Variants in KIF13A observed in about 807,000 individuals in gnomAD.
KIF13A encodes the protein kinesin-like protein KIF13A.
In KIF13A, 79 loss-of-function variants were observed where a neutral mutation model predicts 212.2. That is an observed-to-expected ratio of 0.37 (90% CI 0.31 to 0.45). The LOEUF is 0.45. Ranked by LOEUF, KIF13A falls within the 20% of genes least tolerant of loss-of-function variation. KIF13A has a pLI of 1.00. For missense variants in KIF13A, 1,901 were observed against 2,209.0 expected (o/e 0.86, Z 2.79); for synonymous variants, 789 against 808.6 (o/e 0.98, Z 0.41).
chr6:17,820,751 GTCC>G (rs1256980782), intron 16 of KIF13A, among the ~76,000 whole-genome samples: 1 of 152,128 alleles, frequency 6.6e-6, no homozygotes, highest in Non-Finnish European at 1.5e-5. Context: ...GCACTTTCTC[GTCC>G]TCATTAGTTT....
intron 20 of KIF13A, among the ~76,000 whole-genome samples, chr6:17,801,298 C>A (rs1276149199): frequency 6.6e-6 from 1 of 151,704 alleles, no homozygotes. Context: ...TCAAGAGCAG[C>A]CTGGCCAACA....
intron 2 of KIF13A, among the ~76,000 whole-genome samples, chr6:17,970,625 T>G (rs1779737323): frequency 6.6e-6 from 1 of 152,212 alleles, no homozygotes; most frequent in East Asian, 1.9e-4. Context: ...TTAATCTTAA[T>G]GCAATATTTG....
chr6:17,818,472 ATAAAGT>A (rs1198886834), intron 16 of KIF13A, among the ~76,000 whole-genome samples: 13 of 152,362 alleles, frequency 8.5e-5, no homozygotes, highest in African/African-American at 3.1e-4. Flanking sequence ...GCTTCAAAAA[ATAAAGT>A]TAAATAATTC....
intron 4 of KIF13A, among the ~76,000 whole-genome samples, chr6:17,869,650 G>T (rs1014390679): frequency 1.1e-4 from 16 of 152,040 alleles, no homozygotes; most frequent in African/African-American, 3.6e-4. Context: ...CCCCACTAGA[G>T]AATTACGTGT....
chr6:17,823,917 C>CTTTTT (rs60400987), intron 16 of KIF13A, among the ~76,000 whole-genome samples: 3 of 138,010 alleles, frequency 2.2e-5, no homozygotes, highest in Non-Finnish European at 3.1e-5. Flanking sequence ...ATTTAAATTT[C>CTTTTT]TTTTTTTTTT....
intron 4 of KIF13A, among the ~76,000 whole-genome samples, chr6:17,868,551 G>GTT (rs550655003): frequency 6.3e-4 from 89 of 141,406 alleles, no homozygotes; most frequent in Non-Finnish European, 7.6e-4. Flanking sequence ...GGTTATTTCT[G>GTT]TTTTTTTTTT....
At chr6:17,864,871 G>A (rs141311164) in intron 4 of KIF13A, among the ~76,000 whole-genome samples, 6 of 152,270 alleles carry the variant, frequency 3.9e-5, no homozygotes, top group African/African-American at 1.4e-4. Context: ...AGCAGCAATA[G>A]GCTCAAAGCC....
At chr6:17,866,576 T>A (rs1029577931) in intron 4 of KIF13A, among the ~76,000 whole-genome samples, 2 of 152,124 alleles carry the variant, frequency 1.3e-5, no homozygotes, top group Admixed American at 1.3e-4. Context: ...AGTTTCTACC[T>A]GACTGGGTGC....
chr6:17,930,496 C>T (rs79075690), intron 2 of KIF13A, among the ~76,000 whole-genome samples: 9,888 of 152,254 alleles, frequency 0.065, 368 homozygotes, highest in Middle Eastern at 0.092. Flanking sequence ...CTTACGTTAT[C>T]AGGAAAAACA....
In KIF13A at chr6:17,919,175, C is replaced by T. The variant is rs74828496; in HGVS notation, c.147-20995G>A. Among the ~76,000 whole-genome samples, 16 of 152,274 alleles carry T rather than the reference C, an allele frequency of 1.1e-4. No homozygotes were observed. In the East Asian group the frequency reaches 2.9e-3, roughly 28 times the overall value. On this transcript the variant is annotated intron_variant, in intron 2 of 38. Coordinates refer to ENST00000259711, the MANE Select transcript of KIF13A (RefSeq NM_022113.6). The surrounding 1 kb of genome is among the most constrained non-coding windows in gnomAD (Gnocchi z 4.1). ...ACATACATATAGTGCTGTGTTTTTA[C>T]AAATGCTTTAATAGTGAAAATTGCA...
Position 17,794,052 on chromosome 6 carries a change from G to A in KIF13A, c.3222+197C>T, listed in dbSNP as rs927082823. ...ACTACTATAGCATTAGGATGCGTGT[G>A]TTTATAAATAAAATTATTATTAACT... On this transcript the variant is annotated intron_variant, in intron 25 of 38. Coordinates refer to ENST00000259711, the MANE Select transcript of KIF13A (RefSeq NM_022113.6). This position sits in a 1 kb window ranked among gnomAD's most constrained non-coding sequence, Gnocchi z 4.1. Among the ~76,000 whole-genome samples the A allele has an allele frequency of 6.6e-6, 1 of 152,284 alleles. No individual in the cohort carries two copies. Among genetic ancestry groups the A allele is most frequent in the Non-Finnish European group, 1.5e-5 (1 of 68,020 alleles).
chr6:17,774,898 T>C, intron 35 of KIF13A, 117 bp downstream of exon 35: 1 of 665,960 alleles, frequency 1.5e-6, no homozygotes, highest in South Asian at 2.3e-5. Flanking sequence ...CTTTTTCTTT[T>C]TTTTTAAACT....
chr6:17,893,498 T>C (rs186604940), intron 3 of KIF13A, among the ~76,000 whole-genome samples: 1 of 152,352 alleles, frequency 6.6e-6, no homozygotes, highest in Admixed American at 6.5e-5. Context: ...TCTTAAGGTT[T>C]TCCAAGTATA....
At chr6:17,857,305 G>A (rs1049381194) in intron 4 of KIF13A, among the ~76,000 whole-genome samples, 3 of 152,150 alleles carry the variant, frequency 2.0e-5, no homozygotes, top group South Asian at 2.1e-4. Flanking sequence ...TAATCCCCAC[G>A]TGTCAAGGGA....
At chr6:17,985,195 C>T (rs1397969608) in intron 2 of KIF13A, among the ~76,000 whole-genome samples, 1 of 152,152 alleles carries the variant, frequency 6.6e-6, no homozygotes. Context: ...GGACAAAACA[C>T]GAGAGTACCC....
chr6:17,768,003 T>C lies in KIF13A; in HGVS notation c.4582-3057A>G, dbSNP rs1294168045. On this transcript the variant is annotated intron_variant, in intron 38 of 38. Coordinates refer to ENST00000259711, the MANE Select transcript of KIF13A (RefSeq NM_022113.6). The surrounding 1 kb of genome is among the most constrained non-coding windows in gnomAD (Gnocchi z 5.4). ...AACCCAAAAGCCCAGAGGGAAAGACTAAAACAGTAGGGACAGCTTATTCCA... is the reference window on the plus strand; with the variant it reads ...AACCCAAAAGCCCAGAGGGAAAGACCAAAACAGTAGGGACAGCTTATTCCA... Among the ~76,000 whole-genome samples the C allele has an allele frequency of 3.3e-5, 5 of 152,240 alleles. No individual in the cohort carries two copies. Among genetic ancestry groups the C allele is most frequent in the Admixed American group, 6.5e-5 (1 of 15,284 alleles).
chr6:17,788,115 A>G (rs1413896755), intron 26 of KIF13A, among the ~76,000 whole-genome samples: 2 of 152,184 alleles, frequency 1.3e-5, no homozygotes, highest in African/African-American at 4.8e-5. Flanking sequence ...ATTATACTTA[A>G]AAGCAAGACA....
Position 17,883,340 on chromosome 6 carries a change from G to C in KIF13A, c.160-9903C>G, listed in dbSNP as rs771225559. Among the ~76,000 whole-genome samples the C allele has an allele frequency of 1.3e-5, 2 of 151,744 alleles. No homozygotes were observed. The highest frequency in any genetic ancestry group is 2.9e-5 in the Non-Finnish European group (2 of 67,924). On this transcript the variant is annotated intron_variant, in intron 3 of 38. Transcript: ENST00000259711. This position sits in a 1 kb window ranked among gnomAD's most constrained non-coding sequence, Gnocchi z 4.8. The stretch of plus-strand genomic sequence containing the variant: ...CCAGCCTGGGTCACAGAGCAAGACT[G>C]TCTCTAAAAAATAAAATAAAAATAA...
intron 3 of KIF13A, among the ~76,000 whole-genome samples, chr6:17,890,460 G>A (rs1771941794): frequency 6.6e-6 from 1 of 152,046 alleles, no homozygotes; most frequent in African/African-American, 2.4e-5. Flanking sequence ...AGGCAGAGCT[G>A]CTTTGACTGA....
Sources: gnomAD v4.1 joint callset for allele counts (sites outside exome capture counted in the v4.1 genomes callset) on GRCh38, gnomAD v4.1.1 for gene constraint, Gnocchi (gnomAD v3.1) non-coding constraint, MANE v1.5 for transcripts, NCBI Gene and HGNC (gene_info 2026-07-23, HGNC 2026-07-21) for gene names.